GPC3: variants seen among roughly 807,000 people sequenced by gnomAD.
The protein encoded by GPC3 is glypican-3.
GPC3 carries 3 observed loss-of-function variants against 34.4 expected under a neutral mutation model. That is an observed-to-expected ratio of 0.09 (90% CI 0.04 to 0.23). The LOEUF (loss-of-function observed/expected upper bound fraction) is 0.23. Among genes scored for constraint, GPC3 ranks in the 10% least tolerant of loss-of-function variants. The probability of loss-of-function intolerance (pLI) is 1.00; values close to 1 mark genes in which losing one functional copy is unlikely to be tolerated. For missense variants in GPC3, 351 were observed against 445.6 expected, an observed-to-expected ratio of 0.79 and a Z score of 1.91; for synonymous variants, 177 against 174.0, an observed-to-expected ratio of 1.02 and a Z score of -0.13.
chrX:133,842,241 C>T (rs2075828472), intron 2 of GPC3, among the ~76,000 whole-genome samples: 1 of 109,039 alleles, frequency 9.2e-6, no homozygotes, highest in African/African-American at 3.3e-5. Context: ...TCGCTTGAAC[C>T]CGGGAAGCAG....
chrX:133,651,462 C>A (rs1569405977), intron 6 of GPC3, among the ~76,000 whole-genome samples: 1 of 111,546 alleles, frequency 9.0e-6, no homozygotes, highest in Non-Finnish European at 1.9e-5. Flanking sequence ...TAAAAACTAA[C>A]ATGTGTGCTA....
At chrX:133,903,295 T>C (rs1184630139) in intron 2 of GPC3, among the ~76,000 whole-genome samples, 1 of 111,021 alleles carries the variant, frequency 9.0e-6, no homozygotes, top group Non-Finnish European at 1.9e-5. Context: ...CTTATAAATA[T>C]GTTTTTATGG....
intron 7 of GPC3, among the ~76,000 whole-genome samples, chrX:133,563,284 T>C (rs1808242605): frequency 1.8e-5 from 2 of 111,334 alleles, no homozygotes; most frequent in African/African-American, 6.5e-5. Flanking sequence ...GGCTGGAGTG[T>C]AGTGGCGTTG....
chrX:133,780,817 G>A (rs750068351), intron 2 of GPC3, among the ~76,000 whole-genome samples: 1 of 111,334 alleles, frequency 9.0e-6, no homozygotes, highest in South Asian at 3.9e-4. Context: ...GAAAGAGAAC[G>A]ATGATCTTGA....
chrX:133,966,552 G>A (rs974477428), intron 1 of GPC3, among the ~76,000 whole-genome samples: 1 of 111,901 alleles, frequency 8.9e-6, no homozygotes, highest in Non-Finnish European at 1.9e-5. Context: ...TAAATAATCC[G>A]TGCCCTCTAT....
chrX:133,763,588 GAA>G lies in GPC3; in HGVS notation c.338-9414_338-9413del, dbSNP rs2071818842. The G allele has an allele frequency of 9.4e-6, 6 of 635,870 alleles. No homozygotes were observed. In the East Asian group the frequency reaches 1.9e-4, roughly 21 times the overall value. The allele number at this position is 635,870 out of a possible 1,213,427, so 52.4% of individuals were successfully genotyped here. On this transcript the variant is annotated intron_variant, in intron 2 of 7. Transcript: ENST00000370818. The stretch of plus-strand genomic sequence containing the variant: ...TGTGCCTATTCAGCAGTTCCCTACT[GAA>G]GACTGGAGTGCTCAGCCTGCCACGG...
chrX:133,882,479 A>G (rs1033714124), intron 2 of GPC3, among the ~76,000 whole-genome samples: 2 of 111,303 alleles, frequency 1.8e-5, no homozygotes, highest in Non-Finnish European at 3.8e-5. Context: ...TAAAATGAAA[A>G]ACACACAATT....
At chrX:133,611,277 TGTGA>T (rs1380758561) in intron 6 of GPC3, among the ~76,000 whole-genome samples, 1 of 109,803 alleles carries the variant, frequency 9.1e-6, no homozygotes, top group Non-Finnish European at 1.9e-5. Context: ...TCCAGGTTGG[TGTGA>T]GTAAGTGGTA....
intron 2 of GPC3, among the ~76,000 whole-genome samples, chrX:133,831,978 G>A (rs972967133): frequency 1.3e-4 from 15 of 111,374 alleles, no homozygotes; most frequent in African/African-American, 3.6e-4. Context: ...GAGGTTAAGC[G>A]ATTTATCTAA....
At chrX:133,739,986 G>A (rs933962516) in intron 3 of GPC3, among the ~76,000 whole-genome samples, 6 of 112,224 alleles carry the variant, frequency 5.3e-5, no homozygotes, top group Non-Finnish European at 9.4e-5. Context: ...TCCTTGCAAT[G>A]CCAAGCCGAT....
chrX:133,880,111 A>T (rs901114864), intron 2 of GPC3, among the ~76,000 whole-genome samples: 2 of 112,134 alleles, frequency 1.8e-5, no homozygotes, highest in Admixed American at 9.5e-5. Context: ...CACAACTTTT[A>T]TGAGCACAGT....
intron 5 of GPC3, among the ~76,000 whole-genome samples, chrX:133,677,599 T>A (rs746485096): frequency 8.9e-5 from 10 of 112,210 alleles, no homozygotes; most frequent in Non-Finnish European, 1.7e-4. Flanking sequence ...TTTGTTTGCA[T>A]GGACTCCAAA....
intron 1 of GPC3, among the ~76,000 whole-genome samples, chrX:133,967,472 C>A (rs1014630252): frequency 4.0e-4 from 45 of 112,019 alleles, no homozygotes; most frequent in African/African-American, 1.4e-3. Flanking sequence ...GGCTCTAGAT[C>A]AAGCGGAATG....
intron 7 of GPC3, among the ~76,000 whole-genome samples, chrX:133,586,661 T>C (rs1004711774): frequency 2.1e-4 from 23 of 112,021 alleles, no homozygotes; most frequent in Non-Finnish European, 1.9e-5. Context: ...GTTGTGACTA[T>C]GTGGTTATTT....
intron 3 of GPC3, among the ~76,000 whole-genome samples, chrX:133,733,126 C>A (rs1266716637): frequency 9.0e-6 from 1 of 111,220 alleles, no homozygotes; most frequent in African/African-American, 3.3e-5. Flanking sequence ...GAAATAAGAT[C>A]TTTTGCAGCA....
chrX:133,674,508 G>A (rs984391093), intron 5 of GPC3, among the ~76,000 whole-genome samples: 3 of 111,801 alleles, frequency 2.7e-5, no homozygotes, highest in Non-Finnish European at 5.6e-5. Context: ...AAGCCTAGCT[G>A]AGAGGAACTT....
chrX:133,663,738 T>G (rs907046932), intron 5 of GPC3, among the ~76,000 whole-genome samples: 2 of 111,518 alleles, frequency 1.8e-5, no homozygotes, highest in Non-Finnish European at 3.8e-5. Context: ...GACAAGAGAT[T>G]ATGAAACACT....
chrX:133,897,205 CTTTT>C (rs760491025), intron 2 of GPC3, among the ~76,000 whole-genome samples: 2 of 82,649 alleles, frequency 2.4e-5, no homozygotes, highest in African/African-American at 5.1e-5. Flanking sequence ...CGTGCCCGGC[CTTTT>C]TTTTTTTTTT....
At chrX:133,770,798 A>G (rs759678412) in intron 2 of GPC3, among the ~76,000 whole-genome samples, 1 of 112,260 alleles carries the variant, frequency 8.9e-6, no homozygotes, top group East Asian at 2.8e-4. Context: ...TTGCTATTCC[A>G]GATAAAAAGG....
Sources: gnomAD v4.1 joint callset for allele counts (sites outside exome capture counted in the v4.1 genomes callset) on GRCh38, gnomAD v4.1.1 for gene constraint, MANE v1.5 for transcripts, NCBI Gene and HGNC (gene_info 2026-07-23, HGNC 2026-07-21) for gene names.